Variants in TNFRSF21 observed in about 807,000 individuals in gnomAD.
TNFRSF21 encodes TNF receptor superfamily member 21.
In TNFRSF21, 19 loss-of-function variants were observed where a neutral mutation model predicts 45.6. That is an observed-to-expected ratio of 0.42 (90% CI 0.29 to 0.61). The LOEUF (loss-of-function observed/expected upper bound fraction) is 0.61. Ranked by LOEUF, TNFRSF21 falls within the 20% of genes least tolerant of loss-of-function variation. The pLI is 0.23. For synonymous variants in TNFRSF21, 314 were observed against 335.5 expected, an observed-to-expected ratio of 0.94 and a Z score of 0.70; for missense variants, 737 against 851.5, an observed-to-expected ratio of 0.87 and a Z score of 1.67.
chr6:47,234,749 C>T lies in TNFRSF21; in HGVS notation c.1659G>A (p.Glu553=). 6.2e-7 allele frequency: 1 copy of T among 1,610,672 alleles called. No homozygotes were observed. Among genetic ancestry groups the T allele is most frequent in the South Asian group, 1.1e-5 (1 of 90,378 alleles). The change falls in exon 5 of 6, where the codon GAG becomes GAA. Residue 553 remains glutamate (E), a synonymous_variant. Coordinates refer to ENST00000296861, the MANE Select transcript of TNFRSF21 (RefSeq NM_014452.5). ...QDKNKGFFVD[E]SEPLLRCDST... ...AGTCACAGCGGAGAAGGGGCTCCGA[C>T]TCATCCACGAAGAAGCCCTTGTTCT...
At position 47,309,440 on chromosome 6, in the gene TNFRSF21, C is replaced by T; in HGVS notation, c.72G>A (p.Thr24=). The stretch of plus-strand genomic sequence containing the variant: ...CCAGGAGAAGGGAGCCCGCGATCAT[C>T]GTGGCTGTGGCTCGGCGGGCGATGC... ...CSRIARRATA[T]MIAGSLLLLG... The change falls in exon 1 of 6, where the codon ACG becomes ACA. Residue 24 remains threonine (T), a synonymous_variant. Coordinates refer to ENST00000296861, the MANE Select transcript of TNFRSF21 (RefSeq NM_014452.5). The T allele has an allele frequency of 6.4e-7, 1 of 1,551,748 alleles. No homozygotes were observed. The highest frequency in any genetic ancestry group is 8.7e-7 in the Non-Finnish European group (1 of 1,155,948).
chr6:47,247,074 G>A (rs1764835019), intron 4 of TNFRSF21, among the ~76,000 whole-genome samples: 1 of 152,140 alleles, frequency 6.6e-6, no homozygotes, highest in Non-Finnish European at 1.5e-5. Flanking sequence ...TTGACAAAAG[G>A]TTGTCAACTA....
intron 3 of TNFRSF21, among the ~76,000 whole-genome samples, chr6:47,266,404 G>A (rs1762334069): frequency 6.6e-6 from 1 of 152,206 alleles, no homozygotes. Flanking sequence ...GCTAGGGAAA[G>A]AAGGATGATG....
At chr6:47,270,357 T>C (rs1166098450) in intron 3 of TNFRSF21, among the ~76,000 whole-genome samples, 1 of 152,194 alleles carries the variant, frequency 6.6e-6, no homozygotes, top group African/African-American at 2.4e-5. Flanking sequence ...CCACTGGTGA[T>C]ACCCAGGCGA....
intron 3 of TNFRSF21, among the ~76,000 whole-genome samples, chr6:47,257,848 G>A (rs1352316712): frequency 6.6e-6 from 1 of 152,110 alleles, no homozygotes; most frequent in Non-Finnish European, 1.5e-5. Context: ...GTTCAATTTT[G>A]TTGGCAAGGA....
At chr6:47,241,956 T>C (rs373634137) in intron 4 of TNFRSF21, among the ~76,000 whole-genome samples, 1 of 152,128 alleles carries the variant, frequency 6.6e-6, no homozygotes, top group Admixed American at 6.5e-5. Context: ...AAATTGTCAA[T>C]TGCCAAGTGG....
Position 47,234,864 on chromosome 6 carries a change from G to A in TNFRSF21, c.1544C>T (p.Pro515Leu), listed in dbSNP as rs1764642826. The A allele has an allele frequency of 7.0e-7, 1 of 1,433,070 alleles. No individual in the cohort carries two copies. Among genetic ancestry groups the A allele is most frequent in the African/African-American group, 1.5e-5 (1 of 66,370 alleles). The allele number at this position is 1,433,070 out of a possible 1,614,324, so 88.8% of individuals were successfully genotyped here. Reference sequence around the variant, plus strand: ...GATGGGGCTCGGGCTAAGCGGGCTGGGGCTCATCGGGAGAGCTAGTTTGTC... The same window carrying A: ...GATGGGGCTCGGGCTAAGCGGGCTGAGGCTCATCGGGAGAGCTAGTTTGTC... ...ETDKLALPMS[P>L]SPLSPSPIPS... Residue 515 changes from proline (P) to leucine (L), a missense_variant, in exon 5 of 6, where the codon CCC becomes CTC. Physicochemically the swap from Pro to Leu is moderately conservative, Grantham distance 98. Coordinates refer to ENST00000296861, the MANE Select transcript of TNFRSF21 (RefSeq NM_014452.5).
chr6:47,281,521 T>C (rs185362022), intron 3 of TNFRSF21, among the ~76,000 whole-genome samples: 79 of 152,222 alleles, frequency 5.2e-4, no homozygotes, highest in Non-Finnish European at 7.4e-5. Context: ...ACTGGGACTA[T>C]AGGCGTGTGC....
intron 3 of TNFRSF21, among the ~76,000 whole-genome samples, chr6:47,282,094 A>G (rs1312632060): frequency 6.6e-6 from 1 of 152,128 alleles, no homozygotes; most frequent in African/African-American, 2.4e-5. Context: ...CTAAAAAAAC[A>G]AACAAAAAAC....
At chr6:47,309,261 G>A (rs1762982740) in intron 1 of TNFRSF21, among the ~76,000 whole-genome samples, 155 bp downstream of exon 1, 4 of 152,172 alleles carry the variant, frequency 2.6e-5, no homozygotes, top group Admixed American at 2.6e-4. Flanking sequence ...GCCCTCTGGT[G>A]TGTTGCCTTC....
At chr6:47,295,462 C>T (rs1435077454) in intron 1 of TNFRSF21, among the ~76,000 whole-genome samples, 2 of 152,248 alleles carry the variant, frequency 1.3e-5, no homozygotes, top group East Asian at 3.9e-4. Context: ...TTTTTCAATG[C>T]TGCATAAAAC....
chr6:47,243,949 G>A (rs1014226448), intron 4 of TNFRSF21, among the ~76,000 whole-genome samples: 3 of 152,158 alleles, frequency 2.0e-5, no homozygotes, highest in Admixed American at 6.5e-5. Context: ...GAATGCATGT[G>A]AACATGTGTA....
chr6:47,261,920 A>C (rs1049517902), intron 3 of TNFRSF21, among the ~76,000 whole-genome samples: 2 of 152,228 alleles, frequency 1.3e-5, no homozygotes, highest in Non-Finnish European at 2.9e-5. Context: ...CTTCCAGTGC[A>C]TCCACTACAC....
intron 2 of TNFRSF21, among the ~76,000 whole-genome samples, chr6:47,285,482 T>A (rs1276586670): frequency 6.6e-6 from 1 of 152,220 alleles, no homozygotes; most frequent in East Asian, 1.9e-4. Context: ...AATTCATCTC[T>A]CGCTTCCGGA....
In TNFRSF21 at chr6:47,231,552, T is replaced by G. The variant is rs1764581869; in HGVS notation, c.*1213A>C. 1 of 152,638 alleles carries G rather than the reference T, an allele frequency of 6.6e-6. No individual in the cohort carries two copies. The highest frequency in any genetic ancestry group is 1.5e-5 in the Non-Finnish European group (1 of 68,034). The allele number at this position is 152,638 out of a possible 1,614,324, so 9.5% of individuals were successfully genotyped here. On this transcript the variant is annotated 3_prime_UTR_variant, in exon 6 of 6. Coordinates refer to ENST00000296861, the MANE Select transcript of TNFRSF21 (RefSeq NM_014452.5). ...TTAAGTAACAAACACCTAATGTTTA[T>G]TAATAAATTAGTACACTTGAAGGCA...
At chr6:47,252,742 T>G (rs1158504625) in intron 4 of TNFRSF21, among the ~76,000 whole-genome samples, 4 of 152,180 alleles carry the variant, frequency 2.6e-5, no homozygotes, top group African/African-American at 9.6e-5. Context: ...TCCCATCTGA[T>G]GTGCTCCACG....
chr6:47,246,076 T>C (rs1764820909), intron 4 of TNFRSF21, among the ~76,000 whole-genome samples: 1 of 152,178 alleles, frequency 6.6e-6, no homozygotes, highest in Non-Finnish European at 1.5e-5. Context: ...CAATTCAACA[T>C]GAGGTTTGGG....
intron 1 of TNFRSF21, among the ~76,000 whole-genome samples, chr6:47,296,725 T>C (rs1190408861): frequency 6.6e-6 from 1 of 152,252 alleles, no homozygotes; most frequent in Non-Finnish European, 1.5e-5. Context: ...TGGAGATTCC[T>C]GGAGGATGGG....
intron 4 of TNFRSF21, among the ~76,000 whole-genome samples, chr6:47,235,320 G>A (rs72861993): frequency 2.6e-5 from 4 of 152,204 alleles, no homozygotes; most frequent in Non-Finnish European, 5.9e-5. Flanking sequence ...TGTGAGAGAG[G>A]GCCTTTAAAG....
Sources: allele counts gnomAD v4.1 joint callset (sites outside exome capture counted in the v4.1 genomes callset), GRCh38; gene constraint gnomAD v4.1.1; transcripts MANE v1.5; gene names NCBI Gene and HGNC (gene_info 2026-07-23, HGNC 2026-07-21).